The following WWOX variants were observed in gnomAD, a reference collection of about 807,000 sequenced individuals.
WWOX encodes WW domain containing oxidoreductase.
A neutral mutation model predicts 46.2 loss-of-function variants in WWOX; 69 were observed. That is an observed-to-expected ratio of 1.49 (90% CI 1.23 to 1.82). The LOEUF (loss-of-function observed/expected upper bound fraction) is 1.82. Among genes scored for constraint, WWOX ranks in the 40% most tolerant of loss-of-function variants. The probability of loss-of-function intolerance (pLI) is 0.00; values close to 1 mark genes in which losing one functional copy is unlikely to be tolerated. For synonymous variants in WWOX, 359 were observed against 202.6 expected, an observed-to-expected ratio of 1.77 and a Z score of -6.56; for missense variants, 919 against 542.6, an observed-to-expected ratio of 1.69 and a Z score of -6.89.
At chr16:78,453,352 G>T (rs556140081) in intron 8 of WWOX, among the ~76,000 whole-genome samples, 2 of 152,076 alleles carry the variant, frequency 1.3e-5, no homozygotes, top group Admixed American at 1.3e-4. Context: ...GAACCCGAGA[G>T]GTGGAGGTGG....
At chr16:79,109,201 G>A (rs531038687) in intron 8 of WWOX, among the ~76,000 whole-genome samples, 1 of 152,166 alleles carries the variant, frequency 6.6e-6, no homozygotes, top group Non-Finnish European at 1.5e-5. Flanking sequence ...GTACTAAGCC[G>A]AAACGTATTC....
chr16:78,351,543 T>A (rs1002539414), intron 5 of WWOX, among the ~76,000 whole-genome samples: 1 of 152,172 alleles, frequency 6.6e-6, no homozygotes, highest in Non-Finnish European at 1.5e-5. Context: ...CTGCCTCTGT[T>A]TCTACTCTAA....
chr16:78,759,219 C>G (rs1177488435), intron 8 of WWOX, among the ~76,000 whole-genome samples: 2 of 152,230 alleles, frequency 1.3e-5, no homozygotes. Context: ...GGGTAATCAA[C>G]TGGGAACCCA....
chr16:79,067,632 G>T (rs1326847762), intron 8 of WWOX, among the ~76,000 whole-genome samples: 1 of 136,646 alleles, frequency 7.3e-6, no homozygotes, highest in Non-Finnish European at 1.6e-5. Flanking sequence ...GGGTGGGGTG[G>T]GGGGCGGGGG....
chr16:78,237,815 A>T (rs1309643365), intron 5 of WWOX: 1 of 152,212 alleles, frequency 6.6e-6, no homozygotes, highest in Non-Finnish European at 1.5e-5. Context: ...CTCTCCTGTT[A>T]TGTAAATACC....
Position 78,874,286 on chromosome 16 carries a change from C to T in WWOX, c.1057-337322C>T, listed in dbSNP as rs568427586. On this transcript the variant is annotated intron_variant, in intron 8 of 8. Coordinates refer to ENST00000566780, the MANE Select transcript of WWOX (RefSeq NM_016373.4). ...AAAAAAAAAAAGCTTCCATTTGAGC[C>T]GCCAGGAAAGGAGGCCCTGAGTTGG... Among the ~76,000 whole-genome samples, 4 of 151,222 alleles carry T rather than the reference C, an allele frequency of 2.6e-5. No homozygotes were observed. The South Asian group carries it at 6.3e-4, about 24-fold the overall frequency.
At chr16:78,252,121 A>G (rs2037999898) in intron 5 of WWOX, among the ~76,000 whole-genome samples, 2 of 152,178 alleles carry the variant, frequency 1.3e-5, no homozygotes, top group South Asian at 4.1e-4. Flanking sequence ...GAGCACACAG[A>G]GGTGCCCTTT....
intron 8 of WWOX, among the ~76,000 whole-genome samples, chr16:78,942,579 A>T (rs1225415910): frequency 6.7e-6 from 1 of 149,344 alleles, no homozygotes; most frequent in African/African-American, 2.6e-5. Flanking sequence ...TATTTCAGAC[A>T]ATCAAGGAGA....
chr16:79,148,601 C>T (rs57689936), intron 8 of WWOX, among the ~76,000 whole-genome samples: 134 of 152,086 alleles, frequency 8.8e-4, no homozygotes, highest in Non-Finnish European at 1.6e-3. Flanking sequence ...CTACCAGAAG[C>T]CTTGCTGCAG....
intron 5 of WWOX, among the ~76,000 whole-genome samples, chr16:78,372,519 A>G (rs1194512068): frequency 6.6e-6 from 1 of 152,192 alleles, no homozygotes; most frequent in African/African-American, 2.4e-5. Flanking sequence ...GTAAGAGAGC[A>G]TTCTTTATCC....
chr16:78,151,899 ATAACATGGAGGC>A (rs1361008766), intron 4 of WWOX, among the ~76,000 whole-genome samples: 3 of 152,108 alleles, frequency 2.0e-5, no homozygotes, highest in Non-Finnish European at 4.4e-5. Context: ...TCTTAATATT[ATAACATGGAGGC>A]CAGGCGCGGT....
intron 8 of WWOX, among the ~76,000 whole-genome samples, chr16:78,660,946 C>T (rs2047196371): frequency 6.6e-6 from 1 of 152,196 alleles, no homozygotes; most frequent in Admixed American, 6.5e-5. Flanking sequence ...GGATAATATG[C>T]CATCACATGG....
chr16:79,114,785 C>T (rs565389363), intron 8 of WWOX, among the ~76,000 whole-genome samples: 2 of 152,252 alleles, frequency 1.3e-5, no homozygotes, highest in Admixed American at 6.5e-5. Flanking sequence ...AACCAGCTGC[C>T]CCGAGCAGGA....
chr16:78,710,473 C>CTCATAT lies in WWOX; in HGVS notation c.1056+277721_1056+277722insTCATAT, dbSNP rs1555520958. ...TGATGCAATTAAAGCTAATGGATCT[C>CTCATAT]ATATATATATATATATATATATATA... On this transcript the variant is annotated intron_variant, in intron 8 of 8. Transcript: ENST00000566780. Among the ~76,000 whole-genome samples, 2 of 63,590 alleles carry CTCATAT rather than the reference C, an allele frequency of 3.1e-5. 1 individual carries two copies. Among genetic ancestry groups the CTCATAT allele is most frequent in the Non-Finnish European group, 6.4e-5 (2 of 31,442 alleles). 41.7% of individuals were successfully genotyped at this position (63,590 alleles called of 152,430 possible).
At chr16:79,149,660 A>C (rs1035611529) in intron 8 of WWOX, among the ~76,000 whole-genome samples, 2 of 152,198 alleles carry the variant, frequency 1.3e-5, no homozygotes, top group African/African-American at 4.8e-5. Context: ...TCTCATAAAT[A>C]ATCTGCCTGC....
chr16:79,056,762 C>A (rs766967554), intron 8 of WWOX, among the ~76,000 whole-genome samples: 1 of 152,124 alleles, frequency 6.6e-6, no homozygotes, highest in Non-Finnish European at 1.5e-5. Flanking sequence ...GTTTTTCTTG[C>A]TAAGTTTATG....
chr16:78,665,138 A>T (rs776694916), intron 8 of WWOX, among the ~76,000 whole-genome samples: 23 of 152,102 alleles, frequency 1.5e-4, no homozygotes, highest in Non-Finnish European at 3.4e-4. Flanking sequence ...GGCTTTGTGG[A>T]ATTTTCTGTG....
intron 8 of WWOX, among the ~76,000 whole-genome samples, chr16:79,162,016 T>C (rs769221519): frequency 5.9e-5 from 9 of 152,352 alleles, no homozygotes; most frequent in Admixed American, 1.3e-4. Flanking sequence ...CCAGGACACC[T>C]GTCTCCCAGA....
At chr16:78,897,876 A>G (rs548985406) in intron 8 of WWOX, 5 of 152,216 alleles carry the variant, frequency 3.3e-5, no homozygotes, top group South Asian at 4.1e-4. Context: ...GTGGGTGAGA[A>G]ACGCTATCTC....
Sources: gnomAD v4.1 joint callset for allele counts (sites outside exome capture counted in the v4.1 genomes callset) on GRCh38, gnomAD v4.1.1 for gene constraint, MANE v1.5 for transcripts, NCBI Gene and HGNC (gene_info 2026-07-23, HGNC 2026-07-21) for gene names.